Variants in HDAC4 observed in about 807,000 individuals in gnomAD.
The protein encoded by HDAC4 is histone deacetylase 4, also known as histone deacetylase A.
A neutral mutation model predicts 135.1 loss-of-function variants in HDAC4; 16 were observed. That is an observed-to-expected ratio of 0.12 (90% CI 0.08 to 0.18). The LOEUF (loss-of-function observed/expected upper bound fraction) is 0.18, where lower values mean the gene tolerates loss of function less well. HDAC4 is among the 10% of genes least tolerant of loss of function. The pLI is 1.00. For missense variants in HDAC4, 1,143 were observed against 1,511.8 expected (o/e 0.76, Z 4.05); for synonymous variants, 685 against 653.4 (o/e 1.05, Z -0.74).
At chr2:239,121,105 AC>A (rs1317528254) in intron 12 of HDAC4, among the ~76,000 whole-genome samples, 1 of 151,022 alleles carries the variant, frequency 6.6e-6, no homozygotes, top group African/African-American at 2.4e-5. Context: ...GCTGGGGAGT[AC>A]AAGCATGCAC....
At chr2:239,396,234 C>T (rs1158087078) in intron 1 of HDAC4, among the ~76,000 whole-genome samples, 1 of 151,908 alleles carries the variant, frequency 6.6e-6, no homozygotes, top group African/African-American at 2.4e-5. Context: ...CCTTGGCCTC[C>T]CAAAGTTCTG....
chr2:239,359,223 G>T (rs746268715), intron 1 of HDAC4, among the ~76,000 whole-genome samples: 1 of 152,124 alleles, frequency 6.6e-6, no homozygotes, highest in Non-Finnish European at 1.5e-5. Flanking sequence ...TAGCTTCAAC[G>T]CCAGCCAACA....
chr2:239,077,030 C>T (rs150990095), intron 22 of HDAC4, among the ~76,000 whole-genome samples: 547 of 152,320 alleles, frequency 3.6e-3, no homozygotes, highest in Middle Eastern at 0.031. Flanking sequence ...GGCCCTGTCC[C>T]AATCTCTGCC....
At chr2:239,362,295 C>T (rs184779333) in intron 1 of HDAC4, among the ~76,000 whole-genome samples, 2 of 152,312 alleles carry the variant, frequency 1.3e-5, no homozygotes, top group African/African-American at 2.4e-5. Context: ...CTAACGCTTA[C>T]GTGTGGGTGT....
chr2:239,059,741 C>T (rs1317691063), intron 24 of HDAC4, among the ~76,000 whole-genome samples: 1 of 152,218 alleles, frequency 6.6e-6, no homozygotes, highest in African/African-American at 2.4e-5. Context: ...ACCTCCACTC[C>T]TCCAGAGGAC....
chr2:239,178,260 T>C (rs892357808), intron 4 of HDAC4, among the ~76,000 whole-genome samples: 1 of 152,200 alleles, frequency 6.6e-6, no homozygotes, highest in Admixed American at 6.5e-5. Context: ...TTACCAGTTG[T>C]CTCTTGTCCC....
intron 2 of HDAC4, among the ~76,000 whole-genome samples, chr2:239,289,006 G>C (rs2125473118): frequency 6.6e-6 from 1 of 152,364 alleles, no homozygotes; most frequent in Admixed American, 6.5e-5. Context: ...GAGTGCGGCT[G>C]CAGCGCCTGT....
At chr2:239,161,512 C>T (rs1042204930) in intron 6 of HDAC4, among the ~76,000 whole-genome samples, 5 of 152,094 alleles carry the variant, frequency 3.3e-5, no homozygotes, top group African/African-American at 7.2e-5. Flanking sequence ...TATGAAGAGC[C>T]GGTTTTCTGA....
intron 2 of HDAC4, among the ~76,000 whole-genome samples, chr2:239,290,068 G>A (rs1412419840): frequency 6.6e-6 from 1 of 152,094 alleles, no homozygotes; most frequent in Non-Finnish European, 1.5e-5. Flanking sequence ...AAGGCATCAA[G>A]AGTTAATATA....
chr2:239,288,674 C>T (rs78763237), intron 2 of HDAC4, among the ~76,000 whole-genome samples: 3 of 139,142 alleles, frequency 2.2e-5, no homozygotes, highest in East Asian at 2.3e-4. Context: ...AAAAAAAAAA[C>T]GTATTGTCTG....
rs567098611 is a variant in HDAC4, at chr2:239,134,606, G to A, written c.1016C>T (p.Ser339Leu). Residue 339 changes from serine to leucine, a missense_variant, in exon 10 of 27, where the codon TCG becomes TTG. Physicochemically the swap from Ser to Leu is moderately radical, Grantham distance 145 (BLOSUM62 -2). Around this residue, in one of 9 missense-constraint regions of HDAC4, gnomAD observed 272 missense variants for 309.7 expected, o/e 0.88. Transcript: ENST00000543185. ...LAHRLVAREGSAAPLPLYTSP... is the reference protein window; with the variant it reads ...LAHRLVAREGLAAPLPLYTSP... The stretch of plus-strand genomic sequence containing the variant: ...TGTGTAGAGGGGAAGTGGAGCGGCC[G>A]AGCCTTCTCGTGCCACAAGTCTGTG... 18 of 1,614,104 alleles carry A rather than the reference G, an allele frequency of 1.1e-5. No homozygotes were observed. In the African/African-American group the frequency reaches 1.6e-4, roughly 14 times the overall value.
At chr2:239,222,447 CT>C (rs1388233073) in intron 3 of HDAC4, among the ~76,000 whole-genome samples, 3 of 150,696 alleles carry the variant, frequency 2.0e-5, no homozygotes, top group African/African-American at 7.3e-5. Context: ...AAATAAAAAC[CT>C]GGCATGCAGT....
intron 18 of HDAC4, among the ~76,000 whole-genome samples, chr2:239,088,490 G>C (rs2036197794): frequency 6.6e-6 from 1 of 152,184 alleles, no homozygotes. Context: ...CAGACCCCTC[G>C]GTCCCGACCC....
At chr2:239,222,821 T>C (rs1342372695) in intron 3 of HDAC4, among the ~76,000 whole-genome samples, 2 of 152,176 alleles carry the variant, frequency 1.3e-5, no homozygotes, top group Non-Finnish European at 2.9e-5. Flanking sequence ...CACAGCCCCC[T>C]GAAGCAGGTC....
At chr2:239,346,173 A>C (rs2125891846) in intron 2 of HDAC4, among the ~76,000 whole-genome samples, 1 of 151,190 alleles carries the variant, frequency 6.6e-6, no homozygotes, top group South Asian at 2.1e-4. Context: ...CACTGTCTAA[A>C]ACACACACAC....
At chr2:239,236,431 T>C (rs1391213771) in intron 3 of HDAC4, among the ~76,000 whole-genome samples, 162 bp downstream of exon 3, 1 of 152,212 alleles carries the variant, frequency 6.6e-6, no homozygotes, top group Admixed American at 6.5e-5. Context: ...CCAAAAAGGA[T>C]GGCCTCTTTT....
chr2:239,147,018 A>G (rs1189452818), intron 7 of HDAC4, among the ~76,000 whole-genome samples: 1 of 152,192 alleles, frequency 6.6e-6, no homozygotes, highest in Non-Finnish European at 1.5e-5. Flanking sequence ...ACAGCATGGC[A>G]TGAGGCTGGG....
chr2:239,142,589 C>T (rs894642718), intron 8 of HDAC4, among the ~76,000 whole-genome samples: 1 of 152,246 alleles, frequency 6.6e-6, no homozygotes, highest in African/African-American at 2.4e-5. Context: ...CCCTTTATGC[C>T]ACAGCTCAGC....
intron 4 of HDAC4, among the ~76,000 whole-genome samples, chr2:239,180,016 C>T (rs1428599752): frequency 2.6e-5 from 4 of 152,196 alleles, no homozygotes; most frequent in Admixed American, 2.0e-4. Context: ...TCTCTGTGGG[C>T]GCCAACCTTC....
Sources: allele counts gnomAD v4.1 joint callset (sites outside exome capture counted in the v4.1 genomes callset), GRCh38; gene constraint gnomAD v4.1.1; regional missense constraint gnomAD v4.1.1; transcripts MANE v1.5; gene names NCBI Gene and HGNC (gene_info 2026-07-23, HGNC 2026-07-21).